Variants in PTPRD observed in about 807,000 individuals in gnomAD.
The protein encoded by PTPRD is protein tyrosine phosphatase receptor type D, also known as receptor-type tyrosine-protein phosphatase delta.
PTPRD carries 34 observed loss-of-function variants against 214.5 expected under a neutral mutation model. The observed-to-expected ratio is 0.16, with a 90% CI of 0.12 to 0.21. The LOEUF (loss-of-function observed/expected upper bound fraction) is 0.21, where lower values mean the gene tolerates loss of function less well. Among genes scored for constraint, PTPRD ranks in the 10% least tolerant of loss-of-function variants. The pLI is 1.00. For synonymous variants in PTPRD, 1,128 were observed against 845.7 expected (o/e 1.33, Z -5.79); for missense variants, 2,545 against 2,398.7 (o/e 1.06, Z -1.27).
intron 30 of PTPRD, among the ~76,000 whole-genome samples, chr9:8,472,101 C>A (rs1434374870): frequency 1.3e-5 from 2 of 152,118 alleles, no homozygotes; most frequent in Non-Finnish European, 2.9e-5. Context: ...AAAGACAGAT[C>A]TGTAGAGATT....
At chr9:10,024,285 A>C (rs573486385) in intron 4 of PTPRD, among the ~76,000 whole-genome samples, 1 of 152,262 alleles carries the variant, frequency 6.6e-6, no homozygotes, top group Non-Finnish European at 1.5e-5. Flanking sequence ...GAGACTTATA[A>C]ATTCTAGCTG....
At chr9:9,658,010 G>T (rs16929996) in intron 7 of PTPRD, among the ~76,000 whole-genome samples, 20,824 of 152,132 alleles carry the variant, frequency 0.14, 1,847 homozygotes, top group African/African-American at 0.25. Flanking sequence ...GTTTCTTTTT[G>T]TGAATTTCGC....
intron 11 of PTPRD, among the ~76,000 whole-genome samples, chr9:8,767,493 A>T (rs1183559135): frequency 6.6e-6 from 1 of 152,148 alleles, no homozygotes; most frequent in East Asian, 1.9e-4. Flanking sequence ...TCAAAGACAC[A>T]TGTACATTTG....
intron 35 of PTPRD, among the ~76,000 whole-genome samples, chr9:8,427,174 C>G (rs1187845783): frequency 7.2e-5 from 11 of 152,156 alleles, no homozygotes; most frequent in Admixed American, 7.2e-4. Flanking sequence ...GGACTTTATT[C>G]AGTAGGTACT....
At chr9:8,803,788 T>G (rs539131116) in intron 11 of PTPRD, among the ~76,000 whole-genome samples, 1 of 151,944 alleles carries the variant, frequency 6.6e-6, no homozygotes, top group Admixed American at 6.6e-5. Flanking sequence ...GGTAGTCCTA[T>G]TCATAATACC....
chr9:9,274,349 C>T (rs566005597), intron 9 of PTPRD, among the ~76,000 whole-genome samples: 34 of 151,488 alleles, frequency 2.2e-4, no homozygotes, highest in Non-Finnish European at 3.0e-4. Context: ...CATGCATTCA[C>T]GTCTTTCTCC....
intron 8 of PTPRD, among the ~76,000 whole-genome samples, chr9:9,535,246 A>T (rs897768898): frequency 3.4e-4 from 51 of 152,118 alleles, no homozygotes; most frequent in African/African-American, 1.2e-3. Context: ...TTGACTGAAG[A>T]TGTAAACGAT....
In PTPRD at chr9:10,010,895, A is replaced by T. The variant is rs569111426; in HGVS notation, c.-472+22823T>A. Among the ~76,000 whole-genome samples, 27 of 152,122 alleles carry T rather than the reference A, an allele frequency of 1.8e-4. No homozygotes were observed. The South Asian group carries it at 5.4e-3, about 30-fold the overall frequency. On this transcript the variant is annotated intron_variant, in intron 4 of 45. Coordinates refer to ENST00000381196, the MANE Select transcript of PTPRD (RefSeq NM_002839.4). Reference sequence around the variant, plus strand: ...GCAATAATTGTTCTAGTCAAAAGAAAAAAAAATCTAGGTAACATTTTAAAT... The same window carrying T: ...GCAATAATTGTTCTAGTCAAAAGAATAAAAAATCTAGGTAACATTTTAAAT...
intron 3 of PTPRD, among the ~76,000 whole-genome samples, chr9:10,279,220 A>G (rs541665000): frequency 6.6e-6 from 1 of 152,316 alleles, no homozygotes; most frequent in South Asian, 2.1e-4. Context: ...TCAAGGGCAT[A>G]TGATCATCCA....
intron 12 of PTPRD, chr9:8,700,501 G>C (rs1335625501): frequency 6.6e-6 from 1 of 152,204 alleles, no homozygotes; most frequent in Non-Finnish European, 1.5e-5. Context: ...TAGCAAAGAT[G>C]TATTATGATG....
intron 3 of PTPRD, among the ~76,000 whole-genome samples, chr9:10,286,479 A>T (rs2095358005): frequency 6.6e-6 from 1 of 152,158 alleles, no homozygotes. Flanking sequence ...AATTAAAAAA[A>T]AATTAAATCT....
intron 36 of PTPRD, among the ~76,000 whole-genome samples, chr9:8,400,803 T>C (rs1458960224): frequency 6.6e-6 from 1 of 152,162 alleles, no homozygotes; most frequent in African/African-American, 2.4e-5. Flanking sequence ...CCTATATATC[T>C]AGTAAAATAC....
In PTPRD at chr9:10,579,228, A is replaced by G. The variant is rs570410766; in HGVS notation, c.-600+33170T>C. On this transcript the variant is annotated intron_variant, in intron 2 of 45. Coordinates refer to ENST00000381196, the MANE Select transcript of PTPRD (RefSeq NM_002839.4). ...CAGCAAACTAACACAAGAACAGAAA[A>G]TCAAACATCACATGTTCTCATCCAA... is the stretch of plus-strand genomic sequence containing the variant. Among the ~76,000 whole-genome samples, 11 of 152,236 alleles carry G rather than the reference A, an allele frequency of 7.2e-5. No homozygotes were observed. In the East Asian group the frequency reaches 2.1e-3, roughly 29 times the overall value.
intron 11 of PTPRD, among the ~76,000 whole-genome samples, chr9:8,961,427 A>C (rs1272030801): frequency 6.6e-6 from 1 of 151,724 alleles, no homozygotes; most frequent in Non-Finnish European, 1.5e-5. Flanking sequence ...ATCCTGGAAT[A>C]CTCCTCCCAT....
intron 14 of PTPRD, among the ~76,000 whole-genome samples, chr9:8,618,653 C>A (rs908806084): frequency 2.6e-5 from 4 of 151,926 alleles, no homozygotes; most frequent in African/African-American, 9.7e-5. Flanking sequence ...CTTTTAACTT[C>A]CTGTGGTTGC....
chr9:8,700,559 A>C (rs1376814501), intron 12 of PTPRD: 1 of 152,244 alleles, frequency 6.6e-6, no homozygotes, highest in East Asian at 1.9e-4. Flanking sequence ...GTTGTATTAC[A>C]GAACCTCAGT....
At chr9:8,424,762 C>T (rs148439458) in intron 35 of PTPRD, among the ~76,000 whole-genome samples, 1 of 152,138 alleles carries the variant, frequency 6.6e-6, no homozygotes, top group Non-Finnish European at 1.5e-5. Context: ...AGAGAAAGAA[C>T]AAATTAAATC....
At chr9:10,453,805 A>G (rs1174217375) in intron 2 of PTPRD, among the ~76,000 whole-genome samples, 1 of 151,158 alleles carries the variant, frequency 6.6e-6, no homozygotes, top group Non-Finnish European at 1.5e-5. Context: ...GTTCTTGCCT[A>G]ATTGTTGTTT....
intron 2 of PTPRD, among the ~76,000 whole-genome samples, chr9:10,466,616 T>A (rs1588834390): frequency 7.1e-5 from 4 of 56,438 alleles, no homozygotes; most frequent in South Asian, 7.2e-4. Flanking sequence ...AGAGCGAAAC[T>A]CCAACTCAAA....
Sources: allele counts gnomAD v4.1 joint callset (sites outside exome capture counted in the v4.1 genomes callset), GRCh38; gene constraint gnomAD v4.1.1; transcripts MANE v1.5; gene names NCBI Gene and HGNC (gene_info 2026-07-23, HGNC 2026-07-21).